GRIA1: variants seen among roughly 807,000 people sequenced by gnomAD.
GRIA1 encodes glutamate ionotropic receptor AMPA type subunit 1, also known as glutamate receptor 1.
A neutral mutation model predicts 99.2 loss-of-function variants in GRIA1; 31 were observed. That is an observed-to-expected ratio of 0.31 (90% CI 0.23 to 0.42). The LOEUF (loss-of-function observed/expected upper bound fraction) is 0.42. Ranked by LOEUF, GRIA1 falls within the 10% of genes least tolerant of loss-of-function variation. The pLI is 1.00. For missense variants in GRIA1, 782 were observed against 1,157.5 expected (o/e 0.68, Z 4.71); for synonymous variants, 438 against 432.4 (o/e 1.01, Z -0.16).
At chr5:153,769,707 A>G (rs1237207266) in intron 12 of GRIA1, among the ~76,000 whole-genome samples, 1 of 151,846 alleles carries the variant, frequency 6.6e-6, no homozygotes, top group Non-Finnish European at 1.5e-5. Context: ...CTTTTGCATC[A>G]ACCTAATACA....
intron 13 of GRIA1, among the ~76,000 whole-genome samples, chr5:153,780,079 C>T (rs1025274408): frequency 1.3e-5 from 2 of 152,212 alleles, no homozygotes; most frequent in African/African-American, 4.8e-5. Context: ...ACACAAATTG[C>T]ATGTTGCTTT....
rs569637552 is a variant in GRIA1 at position 153,598,225 on chromosome 5, C to T, written c.221-48703C>T. Among the ~76,000 whole-genome samples, 5 of 151,830 alleles carry T rather than the reference C, an allele frequency of 3.3e-5. No homozygotes were observed. In the East Asian group the frequency reaches 7.7e-4, roughly 23 times the overall value. On this transcript the variant is annotated intron_variant, in intron 2 of 15. Transcript: ENST00000285900. ...TACTAAGTCTTGTCAAAGTAGTATA[C>T]TCAAACTACTTGGGGGAGGGAGAAT...
intron 2 of GRIA1, among the ~76,000 whole-genome samples, chr5:153,609,443 G>A (rs975154457): frequency 4.0e-5 from 6 of 149,868 alleles, no homozygotes; most frequent in African/African-American, 1.2e-4. Context: ...GGCTGAAAAA[G>A]GCAGTGATTT....
At chr5:153,801,378 T>C (rs1766015588) in intron 14 of GRIA1, among the ~76,000 whole-genome samples, 1 of 149,442 alleles carries the variant, frequency 6.7e-6, no homozygotes, top group Admixed American at 6.6e-5. Flanking sequence ...GAAGGTGTTG[T>C]CCCTCAGACC....
rs183828510 is a variant in GRIA1, at chr5:153,529,545, G to C, written c.220+35480G>C. 4.3e-3 allele frequency among the ~76,000 whole-genome samples: 652 copies of C among 152,304 alleles called. 5 individuals carry two copies. Among genetic ancestry groups the C allele is most frequent in the African/African-American group, 0.015 (627 of 41,562 alleles). ...GGTCTCATCACATCGAAGTATTCAT[G>C]ATGAGCATCATAAAATCTTCTGAGA... On this transcript the variant is annotated intron_variant, in intron 2 of 15. Coordinates refer to ENST00000285900, the MANE Select transcript of GRIA1 (RefSeq NM_000827.4).
At chr5:153,705,354 T>C (rs1758813011) in intron 10 of GRIA1, among the ~76,000 whole-genome samples, 1 of 151,946 alleles carries the variant, frequency 6.6e-6, no homozygotes, top group South Asian at 2.1e-4. Context: ...GGATTGAGAG[T>C]GGGGCAAGAA....
chr5:153,652,186 A>C (rs970515091), intron 4 of GRIA1, among the ~76,000 whole-genome samples: 1 of 152,168 alleles, frequency 6.6e-6, no homozygotes, highest in African/African-American at 2.4e-5. Context: ...TCCATCTGTA[A>C]AATGTGAATG....
intron 11 of GRIA1, among the ~76,000 whole-genome samples, chr5:153,725,909 C>T (rs1396116877): frequency 7.6e-6 from 1 of 132,412 alleles, no homozygotes; most frequent in Non-Finnish European, 1.6e-5. Context: ...ATCTACAGAA[C>T]CCTCCACCCC....
At chr5:153,626,051 T>C (rs1243713253) in intron 2 of GRIA1, among the ~76,000 whole-genome samples, 1 of 152,238 alleles carries the variant, frequency 6.6e-6, no homozygotes, top group African/African-American at 2.4e-5. Context: ...GACCTGACTC[T>C]GCAGATGAGC....
At chr5:153,545,044 T>C (rs1213993781) in intron 2 of GRIA1, among the ~76,000 whole-genome samples, 1 of 152,202 alleles carries the variant, frequency 6.6e-6, no homozygotes, top group Non-Finnish European at 1.5e-5. Context: ...GTCTAAATGT[T>C]TCTAGTTCTC....
At chr5:153,749,710 A>T (rs2149587687) in intron 11 of GRIA1, among the ~76,000 whole-genome samples, 1 of 152,260 alleles carries the variant, frequency 6.6e-6, no homozygotes, top group South Asian at 2.1e-4. Flanking sequence ...TTTGAACATG[A>T]GATTTGGAGG....
chr5:153,723,224 A>C (rs1760209695), intron 11 of GRIA1, among the ~76,000 whole-genome samples: 1 of 152,236 alleles, frequency 6.6e-6, no homozygotes, highest in African/African-American at 2.4e-5. Flanking sequence ...TGTGGGTTGC[A>C]TCATCATATC....
chr5:153,728,807 A>G (rs867770120), intron 11 of GRIA1, among the ~76,000 whole-genome samples: 2 of 100,538 alleles, frequency 2.0e-5, no homozygotes, highest in African/African-American at 8.5e-5. Context: ...TAGTTCAACC[A>G]TTGTGGAAGT....
At chr5:153,723,354 C>G (rs184198967) in intron 11 of GRIA1, among the ~76,000 whole-genome samples, 2 of 152,310 alleles carry the variant, frequency 1.3e-5, no homozygotes, top group Non-Finnish European at 2.9e-5. Flanking sequence ...ATCTGAGGTA[C>G]CAGGTTCATC....
At chr5:153,570,826 A>G (rs900205842) in intron 2 of GRIA1, among the ~76,000 whole-genome samples, 3 of 152,188 alleles carry the variant, frequency 2.0e-5, no homozygotes, top group African/African-American at 7.2e-5. Flanking sequence ...ACAATTGAGT[A>G]CTAGTATTAC....
At chr5:153,545,635 G>A (rs1759544064) in intron 2 of GRIA1, among the ~76,000 whole-genome samples, 1 of 152,088 alleles carries the variant, frequency 6.6e-6, no homozygotes, top group Admixed American at 6.6e-5. Context: ...TGGCATGCAG[G>A]GATTGGCAAA....
At chr5:153,609,555 C>CTTTTTTTT (rs3036982) in intron 2 of GRIA1, among the ~76,000 whole-genome samples, 2 of 84,362 alleles carry the variant, frequency 2.4e-5, no homozygotes, top group African/African-American at 5.6e-5. Context: ...AGACTCTTTT[C>CTTTTTTTT]TTTTTTTTTT....
At chr5:153,650,595 T>C in intron 4 of GRIA1, 81 bp downstream of exon 4, 1 of 1,352,032 alleles carries the variant, frequency 7.4e-7, no homozygotes. Context: ...TTGGGTGTTA[T>C]AAAGAGGGTT....
intron 12 of GRIA1, 84 bp from the exon 13 acceptor site, chr5:153,770,084 A>G (rs1330691806): frequency 2.0e-5 from 27 of 1,357,122 alleles, no homozygotes; most frequent in African/African-American, 2.9e-5. Context: ...TGTGTGATCA[A>G]GCTACACTCA....
Sources: gnomAD v4.1 joint callset for allele counts (sites outside exome capture counted in the v4.1 genomes callset) on GRCh38, gnomAD v4.1.1 for gene constraint, MANE v1.5 for transcripts, NCBI Gene and HGNC (gene_info 2026-07-23, HGNC 2026-07-21) for gene names.